Variants in TBL1XR1 observed in about 807,000 individuals in gnomAD.
TBL1XR1 encodes TBL1X/Y related 1, also known as F-box-like/WD repeat-containing protein TBL1XR1.
In TBL1XR1, 5 loss-of-function variants were observed where a neutral mutation model predicts 66.9. The observed-to-expected ratio is 0.07, with a 90% CI of 0.04 to 0.16. The LOEUF is 0.16. TBL1XR1 is among the 10% of genes least tolerant of loss of function. TBL1XR1 has a pLI of 1.00. For synonymous variants in TBL1XR1, 210 were observed against 206.0 expected, an observed-to-expected ratio of 1.02 and a Z score of -0.17; for missense variants, 238 against 623.2, an observed-to-expected ratio of 0.38 and a Z score of 6.58.
chr3:177,021,785 CG>C lies in TBL1XR1; in HGVS notation c.*3712del, dbSNP rs1291017624. The C allele has an allele frequency of 6.6e-6, 1 of 152,542 alleles. No individual in the cohort carries two copies. The highest frequency in any genetic ancestry group is 1.5e-5 in the Non-Finnish European group (1 of 67,990). 9.4% of individuals were successfully genotyped at this position (152,542 alleles called of 1,614,324 possible). ...TTGGTCCACTGAAATAGGATTTCTG[CG>C]GAAACTGTCAACAGTAGTAATTCAC... On this transcript the variant is annotated 3_prime_UTR_variant, in exon 16 of 16. Coordinates refer to ENST00000457928, the MANE Select transcript of TBL1XR1 (RefSeq NM_024665.7).
At chr3:177,130,157 A>AG (rs1361000133) in intron 1 of TBL1XR1, among the ~76,000 whole-genome samples, 3 of 149,320 alleles carry the variant, frequency 2.0e-5, no homozygotes, top group Admixed American at 1.3e-4. Flanking sequence ...AAAAAAAAAA[A>AG]AGAAAGAAAG....
chr3:177,195,347 T>C (rs913950862), intron 1 of TBL1XR1, among the ~76,000 whole-genome samples: 1 of 151,308 alleles, frequency 6.6e-6, no homozygotes, highest in East Asian at 1.9e-4. Context: ...CTCTCAACTA[T>C]TTGGGAAGCT....
intron 2 of TBL1XR1, among the ~76,000 whole-genome samples, chr3:177,076,113 C>T (rs2108585257): frequency 6.6e-6 from 1 of 152,342 alleles, no homozygotes; most frequent in East Asian, 1.9e-4. Context: ...TGCCTTCTGG[C>T]CATGTCCTCC....
chr3:177,173,440 T>A (rs1733800078), intron 1 of TBL1XR1, among the ~76,000 whole-genome samples: 1 of 152,216 alleles, frequency 6.6e-6, no homozygotes, highest in Non-Finnish European at 1.5e-5. Context: ...AAGATTAAAA[T>A]ATACCAATAA....
At chr3:177,047,419 T>C (rs1364113088) in intron 8 of TBL1XR1, 22 bp from the exon 9 acceptor site, 1 of 1,598,872 alleles carries the variant, frequency 6.3e-7, no homozygotes, top group Non-Finnish European at 8.5e-7. Flanking sequence ...AAGAAAAACA[T>C]TAACATTATT....
At chr3:177,192,398 C>CAAAAAAAAAAAAA (rs759331999) in intron 1 of TBL1XR1, among the ~76,000 whole-genome samples, 1 of 83,500 alleles carries the variant, frequency 1.2e-5, no homozygotes, top group East Asian at 2.6e-4. Flanking sequence ...GACTTTATCT[C>CAAAAAAAAAAAAA]AAAAAAAAAA....
intron 1 of TBL1XR1, among the ~76,000 whole-genome samples, chr3:177,142,890 A>C (rs1035377976): frequency 9.2e-5 from 14 of 152,160 alleles, no homozygotes; most frequent in Admixed American, 5.9e-4. Context: ...TGAGGTGCCC[A>C]TTGTACACTT....
chr3:177,069,774 AAAGGAAGGAAAAGGAAGGAAAGG>A (rs1560138544), intron 2 of TBL1XR1, among the ~76,000 whole-genome samples: 10 of 94,778 alleles, frequency 1.1e-4, no homozygotes, highest in Admixed American at 4.2e-4. Flanking sequence ...GAAAGGAAGG[AAAGGAAGGAAAAGGAAGGAAAGG>A]AAGGAAGGAA....
chr3:177,122,834 G>A, intron 1 of TBL1XR1, among the ~76,000 whole-genome samples: 1 of 152,014 alleles, frequency 6.6e-6, no homozygotes, highest in Non-Finnish European at 1.5e-5. Context: ...AGCATCAACA[G>A]TATCTTTATC....
chr3:177,147,367 T>C (rs1039372193), intron 1 of TBL1XR1, among the ~76,000 whole-genome samples: 2 of 152,224 alleles, frequency 1.3e-5, no homozygotes, highest in Non-Finnish European at 2.9e-5. Flanking sequence ...CTTCGTTTAC[T>C]ATAAATATGT....
In TBL1XR1 at chr3:177,021,339, A is replaced by T. The variant is rs1016142466; in HGVS notation, c.*4159T>A. ...GAATGTTTTCCTGAACTTATCCGGA[A>T]ATTCCAAAGAAAACATCATGAAACA... is the stretch of plus-strand genomic sequence containing the variant. On this transcript the variant is annotated 3_prime_UTR_variant, in exon 16 of 16. Transcript: ENST00000457928. The T allele has an allele frequency of 6.6e-5, 10 of 151,680 alleles. No individual in the cohort carries two copies. Among genetic ancestry groups the T allele is most frequent in the African/African-American group, 2.4e-4 (10 of 41,086 alleles). The allele number at this position is 151,680 out of a possible 1,614,324, so 9.4% of individuals were successfully genotyped here.
chr3:177,142,993 C>G (rs1371615622), intron 1 of TBL1XR1, among the ~76,000 whole-genome samples: 1 of 151,478 alleles, frequency 6.6e-6, no homozygotes, highest in Non-Finnish European at 1.5e-5. Flanking sequence ...TTTAGTGCCA[C>G]GTTTTTGCAT....
At chr3:177,057,701 G>C (rs1296679087) in intron 3 of TBL1XR1, among the ~76,000 whole-genome samples, 1 of 152,098 alleles carries the variant, frequency 6.6e-6, no homozygotes, top group Non-Finnish European at 1.5e-5. Context: ...ACCTAAATCT[G>C]TTAGATGTTA....
chr3:177,144,723 A>G (rs1171888791), intron 1 of TBL1XR1, among the ~76,000 whole-genome samples: 10 of 152,074 alleles, frequency 6.6e-5, no homozygotes, highest in Admixed American at 5.9e-4. Flanking sequence ...ACTGCACTCC[A>G]GCCTGGGCGA....
At chr3:177,196,810 GCA>G (rs1217993232) in intron 1 of TBL1XR1, among the ~76,000 whole-genome samples, 1 of 151,780 alleles carries the variant, frequency 6.6e-6, no homozygotes, top group Non-Finnish European at 1.5e-5. Flanking sequence ...AGGCCGAGGT[GCA>G]CATTTTCGGG....
At chr3:177,032,785 A>C in intron 14 of TBL1XR1, 186 bp downstream of exon 14, 1 of 445,116 alleles carries the variant, frequency 2.2e-6, no homozygotes, top group Non-Finnish European at 3.8e-6. Flanking sequence ...ACAAATGATC[A>C]AAATCCATTT....
chr3:177,136,482 G>A (rs993628086), intron 1 of TBL1XR1, among the ~76,000 whole-genome samples: 11 of 152,102 alleles, frequency 7.2e-5, no homozygotes, highest in Non-Finnish European at 1.2e-4. Flanking sequence ...GTTTCACCAC[G>A]TTGGCCAGAC....
intron 1 of TBL1XR1, among the ~76,000 whole-genome samples, chr3:177,144,020 C>T (rs1017636995): frequency 6.6e-6 from 1 of 150,752 alleles, no homozygotes; most frequent in Admixed American, 6.6e-5. Flanking sequence ...GGGAGGCAGG[C>T]GGATCACCTG....
chr3:177,093,976 G>A (rs997966599), intron 2 of TBL1XR1, among the ~76,000 whole-genome samples: 5 of 151,926 alleles, frequency 3.3e-5, no homozygotes, highest in Non-Finnish European at 5.9e-5. Context: ...AATTAAGATG[G>A]GACTTAATTA....
Sources: gnomAD v4.1 joint callset for allele counts (sites outside exome capture counted in the v4.1 genomes callset) on GRCh38, gnomAD v4.1.1 for gene constraint, MANE v1.5 for transcripts, NCBI Gene and HGNC (gene_info 2026-07-23, HGNC 2026-07-21) for gene names.